Variants in TAT observed in about 807,000 individuals in gnomAD.
The protein encoded by TAT is L-tyrosine:2-oxoglutarate aminotransferase.
TAT carries 35 observed loss-of-function variants against 53.6 expected under a neutral mutation model. The observed-to-expected ratio is 0.65, with a 90% CI of 0.50 to 0.87. The LOEUF (loss-of-function observed/expected upper bound fraction) is 0.87. TAT is among the 40% of genes least tolerant of loss of function. The pLI, the probability that TAT is intolerant of heterozygous loss-of-function variation, is 0.00. For synonymous variants in TAT, 197 were observed against 206.5 expected (o/e 0.95, Z 0.39); for missense variants, 525 against 571.8 (o/e 0.92, Z 0.83).
intron 9 of TAT, 136 bp downstream of exon 9, chr16:71,570,133 G>A: frequency 6.9e-7 from 1 of 1,444,542 alleles, no homozygotes; most frequent in Non-Finnish European, 9.5e-7. Context: ...AGAAACGTGT[G>A]TGTGGATGCT....
chr16:71,565,701 GCACACACACACA>G lies in TAT; in HGVS notation c.*2431_*2442del, dbSNP rs59287517. ...TACTTTATTTGAAAAAATGAAAAGT[GCACACACACACA>G]CACACACACACACTTACATAGGCAC... is the stretch of plus-strand genomic sequence containing the variant. On this transcript the variant is annotated 3_prime_UTR_variant, in exon 12 of 12. Coordinates refer to ENST00000355962, the MANE Select transcript of TAT (RefSeq NM_000353.3). 17 of 149,036 alleles carry G rather than the reference GCACACACACACA, an allele frequency of 1.1e-4. No individual in the cohort carries two copies. In the East Asian group the frequency reaches 1.8e-3, roughly 16 times the overall value. 9.2% of individuals were successfully genotyped at this position (149,036 alleles called of 1,614,324 possible).
rs1346192407 is a variant in TAT at position 71,565,714 on chromosome 16, C to CACACACACACACACACAA, written c.*2429_*2430insTTGTGTGTGTGTGTGTGT. 1.3e-5 allele frequency: 2 copies of CACACACACACACACACAA among 151,998 alleles called. No individual in the cohort carries two copies. The highest frequency in any genetic ancestry group is 4.8e-5 in the African/African-American group (2 of 41,308). The allele number at this position is 151,998 out of a possible 1,614,324, so 9.4% of individuals were successfully genotyped here. A position where few individuals can be genotyped will look rare whatever the true frequency, so the allele number is the denominator to read the frequency against. The stretch of plus-strand genomic sequence containing the variant: ...AAAATGAAAAGTGCACACACACACA[C>CACACACACACACACACAA]ACACACACACACTTACATAGGCACA... On this transcript the variant is annotated 3_prime_UTR_variant, in exon 12 of 12. Coordinates refer to ENST00000355962, the MANE Select transcript of TAT (RefSeq NM_000353.3).
At chr16:71,576,500 TA>T in intron 1 of TAT, 73 bp from the exon 2 acceptor site, 1 of 1,295,324 alleles carries the variant, frequency 7.7e-7, no homozygotes, top group Non-Finnish European at 1.1e-6. Flanking sequence ...CATTTGGACC[TA>T]AACATTGGGT....
intron 1 of TAT, 81 bp from the exon 2 acceptor site, chr16:71,576,508 G>T: frequency 8.4e-7 from 1 of 1,187,976 alleles, no homozygotes; most frequent in Non-Finnish European, 1.2e-6. Flanking sequence ...CCTAAACATT[G>T]GGTGACTTCA....
At chr16:71,570,922 T>C (rs2044198971) in intron 7 of TAT, 91 bp from the exon 8 acceptor site, 1 of 1,476,316 alleles carries the variant, frequency 6.8e-7, no homozygotes, top group Admixed American at 1.9e-5. Context: ...CTTCTATCAC[T>C]AGGGACAGGT....
At chr16:71,571,727 C>T (rs2044204651) in intron 6 of TAT, 69 bp from the exon 7 acceptor site, 21 of 1,412,964 alleles carry the variant, frequency 1.5e-5, no homozygotes, top group Non-Finnish European at 2.1e-5. Flanking sequence ...CACATAATAT[C>T]ATGTAATTTC....
At position 71,569,845 on chromosome 16, in the gene TAT, C is replaced by T. The variant is rs2145230217; in HGVS notation, c.1125+9G>A. On this transcript the variant is annotated intron_variant, in intron 10 of 11. Coordinates refer to ENST00000355962, the MANE Select transcript of TAT (RefSeq NM_000353.3). ...GCATTGACCTAGTGCCTGCCACCCA[C>T]ATACTCACCATGAGGTACATAGCCC... 6.2e-7 allele frequency: 1 copy of T among 1,613,072 alleles called. No individual in the cohort carries two copies.
rs779602423 is a variant in TAT at position 71,576,175 on chromosome 16, A to C, written c.235+6T>G. On this transcript the variant is annotated splice_donor_region_variant and intron_variant, in intron 2 of 11. Transcript: ENST00000355962. Reference sequence around the variant, plus strand: ...TGACAGCCCCTCAGTAGTGTCCCCAACTCACCAATGGACAGGGAAATCATG... The same window carrying C: ...TGACAGCCCCTCAGTAGTGTCCCCACCTCACCAATGGACAGGGAAATCATG... The C allele has an allele frequency of 1.2e-6, 2 of 1,613,634 alleles. No homozygotes were observed. The highest frequency in any genetic ancestry group is 1.7e-6 in the Non-Finnish European group (2 of 1,179,766).
rs1362748196 is a variant in TAT at position 71,572,504 on chromosome 16, G to C, written c.567+26C>G. ...TTTACAGGTTAGTAACTGAGCATTT[G>C]AGTCTAAGATTAAAAAGTCATTTAC... On this transcript the variant is annotated intron_variant, in intron 5 of 11. Coordinates refer to ENST00000355962, the MANE Select transcript of TAT (RefSeq NM_000353.3). 1.9e-6 allele frequency: 3 copies of C among 1,613,888 alleles called. No homozygotes were observed. The South Asian group carries it at 3.3e-5, about 18-fold the overall frequency.
Position 71,568,783 on chromosome 16 carries a change from T to C in TAT, c.1152A>G (p.Pro384=), listed in dbSNP as rs764717482. 1 of 1,613,972 alleles carries C rather than the reference T, an allele frequency of 6.2e-7. No individual in the cohort carries two copies. The highest frequency in any genetic ancestry group is 8.5e-7 in the Non-Finnish European group (1 of 1,179,994). Residue 384 remains proline (P), a synonymous_variant, in exon 11 of 12, where the codon CCA becomes CCG. Transcript: ENST00000355962. ...LMVGIEMEHF[P]EFENDVEFTE... ...TGAACTCCACATCGTTCTCAAATTC[T>C]GGGAAATGTTCCATCTCAATTCCAA...
chr16:71,576,201 G>A lies in TAT; in HGVS notation c.215C>T (p.Thr72Ile). 1.9e-6 allele frequency: 3 copies of A among 1,614,094 alleles called. No individual in the cohort carries two copies. The highest frequency in any genetic ancestry group is 2.5e-6 in the Non-Finnish European group (3 of 1,179,988). ...NMKVKPNPNK[T>I]MISLSIGDPT... The stretch of plus-strand genomic sequence containing the variant: ...CTCACCAATGGACAGGGAAATCATG[G>A]TTTTGTTTGGATTTGGTTTCACCTT... Residue 72 changes from threonine (T) to isoleucine (I), a missense_variant, in exon 2 of 12, where the codon ACC (threonine) becomes ATC (isoleucine). By Grantham distance (89) the Thr-to-Ile change is moderately conservative (BLOSUM62 -1). Transcript: ENST00000355962.
At position 71,567,946 on chromosome 16, in the gene TAT, G is replaced by C; in HGVS notation, c.*198C>G. On this transcript the variant is annotated 3_prime_UTR_variant, in exon 12 of 12. Transcript: ENST00000355962. The stretch of plus-strand genomic sequence containing the variant: ...GTCACTCTAGCAGCGCAGAGCAAGG[G>C]AGAATCTGCGATGTGAATGAGGAGG... The C allele has an allele frequency of 4.7e-6, 3 of 641,844 alleles. No homozygotes were observed. Among genetic ancestry groups the C allele is most frequent in the Non-Finnish European group, 5.6e-6 (2 of 358,266 alleles). 39.8% of individuals were successfully genotyped at this position (641,844 alleles called of 1,614,324 possible).
rs939713862 is a variant in TAT at position 71,570,565 on chromosome 16, C to A, written c.912+114G>T. On this transcript the variant is annotated intron_variant, in intron 8 of 11. Transcript: ENST00000355962. Reference sequence around the variant, plus strand: ...GTTCGTAGCCCAGCTCTGCCACACACATGCTGCTTGACTGACAAGGAGAAA... The same window carrying A: ...GTTCGTAGCCCAGCTCTGCCACACAAATGCTGCTTGACTGACAAGGAGAAA... The A allele has an allele frequency of 1.7e-5, 26 of 1,573,622 alleles. 1 individual carries two copies. The Admixed American group carries it at 4.3e-4, about 26-fold the overall frequency.
intron 10 of TAT, among the ~76,000 whole-genome samples, chr16:71,569,502 C>T (rs772918634): frequency 2.6e-5 from 4 of 152,036 alleles, no homozygotes; most frequent in Non-Finnish European, 4.4e-5. Context: ...ACGCCCAGCT[C>T]ATTTTTTTTA....
At chr16:71,576,097 C>G in intron 2 of TAT, 71 bp from the exon 3 acceptor site, 1 of 1,608,424 alleles carries the variant, frequency 6.2e-7, no homozygotes, top group Middle Eastern at 1.7e-4. Flanking sequence ...AGACTCACCC[C>G]CAACTGCCAT....
intron 9 of TAT, 108 bp downstream of exon 9, chr16:71,570,161 C>T: frequency 6.4e-7 from 1 of 1,562,386 alleles, no homozygotes; most frequent in Non-Finnish European, 8.7e-7. Context: ...ATGCCGTCTC[C>T]TAATATTGGA....
chr16:71,573,406 T>G (rs1392566436), intron 4 of TAT, 133 bp downstream of exon 4: 8 of 820,706 alleles, frequency 9.7e-6, no homozygotes, highest in Non-Finnish European at 1.6e-5. Flanking sequence ...ATGAGAAGTC[T>G]TCTAATTGCT....
At position 71,566,552 on chromosome 16, in the gene TAT, G is replaced by A. The variant is rs966346663; in HGVS notation, c.*1592C>T. The A allele has an allele frequency of 6.6e-6, 1 of 151,766 alleles. No individual in the cohort carries two copies. The highest frequency in any genetic ancestry group is 1.5e-5 in the Non-Finnish European group (1 of 68,000). The allele number at this position is 151,766 out of a possible 1,614,324, so 9.4% of individuals were successfully genotyped here. A position where few individuals can be genotyped will look rare whatever the true frequency, so the allele number is the denominator to read the frequency against. ...AGCCATCAACTTTGTGACCTAGTGA[G>A]TGGTTAGTGGATATAGGCAAGCGTA... On this transcript the variant is annotated 3_prime_UTR_variant, in exon 12 of 12. Transcript: ENST00000355962.
intron 3 of TAT, 66 bp from the exon 4 acceptor site, chr16:71,573,672 C>G: frequency 6.3e-6 from 9 of 1,428,610 alleles, no homozygotes; most frequent in Non-Finnish European, 7.7e-6. Flanking sequence ...CTCTGTCACC[C>G]GGACTTGGAG....
Sources: allele counts gnomAD v4.1 joint callset (sites outside exome capture counted in the v4.1 genomes callset), GRCh38; gene constraint gnomAD v4.1.1; transcripts MANE v1.5; gene names NCBI Gene and HGNC (gene_info 2026-07-23, HGNC 2026-07-21).